The following SSPN variants were observed in gnomAD, a reference collection of about 807,000 sequenced individuals.
SSPN encodes sarcospan, also known as K-ras oncogene-associated protein.
In SSPN, 15 loss-of-function variants were observed where a neutral mutation model predicts 19.1. The ratio of observed to expected loss-of-function variants is 0.78; its 90% CI spans 0.52 to 1.21. The LOEUF (loss-of-function observed/expected upper bound fraction) is 1.21. Ranked by LOEUF, SSPN falls within the 50% of genes most tolerant of loss-of-function variation. The pLI is 0.00. For missense variants in SSPN, 291 were observed against 314.0 expected, an observed-to-expected ratio of 0.93 and a Z score of 0.55; for synonymous variants, 147 against 140.3, an observed-to-expected ratio of 1.05 and a Z score of -0.34.
In SSPN at chr12:26,195,856, G is replaced by A; in HGVS notation, c.184G>A (p.Ala62Thr). The change falls in exon 1 of 3, where the codon GCC (alanine) becomes ACC (threonine). Residue 62 changes from alanine (A) to threonine (T), a missense_variant. By Grantham distance (58) the Ala-to-Thr change is moderately conservative. This residue lies in a region of SSPN where 139 missense variants were observed against 119.6 expected (regional missense o/e 1.16). Coordinates refer to ENST00000242729, the MANE Select transcript of SSPN (RefSeq NM_005086.5). ...GCTGCTGCTCGCCCTGCTGCAGCTG[G>A]CCCTGGGCATCGCCGTGACCGTGGT... ...FPLLLALLQL[A>T]LGIAVTVVGF... 6.4e-7 allele frequency: 1 copy of A among 1,557,892 alleles called. No individual in the cohort carries two copies. The highest frequency in any genetic ancestry group is 8.6e-7 in the Non-Finnish European group (1 of 1,156,182).
chr12:26,226,040 C>G (rs539789131), intron 2 of SSPN, among the ~76,000 whole-genome samples: 18 of 152,140 alleles, frequency 1.2e-4, no homozygotes, highest in Non-Finnish European at 1.3e-4. Context: ...GGATTCCCCA[C>G]TAGGAAGATC....
chr12:26,188,183 T>C (rs1944765884), intron 1 of SSPN, among the ~76,000 whole-genome samples: 1 of 152,148 alleles, frequency 6.6e-6, no homozygotes. Flanking sequence ...ACACAGCTGG[T>C]AAGAATTAGA....
At chr12:26,179,588 C>T (rs1040396597) in intron 1 of SSPN, among the ~76,000 whole-genome samples, 2 of 152,204 alleles carry the variant, frequency 1.3e-5, no homozygotes, top group East Asian at 3.8e-4. Flanking sequence ...GAAACCAAAG[C>T]TCTGCATGGA....
At chr12:26,165,960 C>G (rs1944618211) in intron 1 of SSPN, among the ~76,000 whole-genome samples, 1 of 152,188 alleles carries the variant, frequency 6.6e-6, no homozygotes, top group African/African-American at 2.4e-5. Context: ...ATGGCCATGA[C>G]AGAAGGTTGT....
chr12:26,124,856 G>T, intron 1 of SSPN: 2 of 1,389,548 alleles, frequency 1.4e-6, no homozygotes, highest in South Asian at 1.2e-5. Flanking sequence ...AGGCTTGGGA[G>T]ACCTTGGGGG....
At chr12:26,195,041 T>C (rs1944813354), upstream of SSPN, among the ~76,000 whole-genome samples, 1 of 152,064 alleles carries the variant, frequency 6.6e-6, no homozygotes, top group Non-Finnish European at 1.5e-5. Flanking sequence ...TCACAATTAG[T>C]CCAATATCTT....
Position 26,137,045 on chromosome 12 carries a change from T to G in SSPN, c.-31+14893T>G, listed in dbSNP as rs138523678. On this transcript the variant is annotated intron_variant, in intron 1 of 2. Transcript: ENST00000538142. ...TTCTTTATTTCAGCCATTCTACTAA[T>G]AAAAGCAAGACTTTTATGGCAGTTA... is the stretch of plus-strand genomic sequence containing the variant. Among the ~76,000 whole-genome samples, 63 of 152,368 alleles carry G rather than the reference T, an allele frequency of 4.1e-4. No homozygotes were observed. In the East Asian group the frequency reaches 0.012, roughly 28 times the overall value.
At chr12:26,190,857 C>G (rs1944783155), upstream of SSPN, among the ~76,000 whole-genome samples, 1 of 152,136 alleles carries the variant, frequency 6.6e-6, no homozygotes, top group African/African-American at 2.4e-5. Context: ...CATATGATCA[C>G]CAAAGATACA....
chr12:26,153,475 C>T (rs959070795), intron 1 of SSPN, among the ~76,000 whole-genome samples: 4 of 152,176 alleles, frequency 2.6e-5, no homozygotes, highest in African/African-American at 7.2e-5. Flanking sequence ...AGAGCAGTGA[C>T]CTTGAATGAC....
intron 1 of SSPN, among the ~76,000 whole-genome samples, chr12:26,217,690 C>T (rs1243429055): frequency 7.3e-6 from 1 of 136,452 alleles, no homozygotes; most frequent in Non-Finnish European, 1.6e-5. Context: ...TTTGCCCATT[C>T]AGTATGATAT....
chr12:26,228,884 G>A lies in SSPN; in HGVS notation c.367-1827G>A, dbSNP rs1377221446. ...TTGAGGGCCAGACGAAGTGGTTCAC[G>A]GCTCTAATCTCAATACTTTGGGAGG... On this transcript the variant is annotated intron_variant, in intron 2 of 2. Transcript: ENST00000242729. Among the ~76,000 whole-genome samples, 10 of 152,182 alleles carry A rather than the reference G, an allele frequency of 6.6e-5. No individual in the cohort carries two copies. In the South Asian group the frequency reaches 1.5e-3, roughly 22 times the overall value.
intron 1 of SSPN, among the ~76,000 whole-genome samples, chr12:26,143,787 T>C (rs1004865257): frequency 3.9e-5 from 6 of 152,228 alleles, no homozygotes; most frequent in Non-Finnish European, 7.3e-5. Flanking sequence ...GACATGCAAG[T>C]AAAGCTTCAT....
chr12:26,155,132 G>A (rs1944548201), intron 1 of SSPN, among the ~76,000 whole-genome samples: 1 of 152,202 alleles, frequency 6.6e-6, no homozygotes, highest in South Asian at 2.1e-4. Flanking sequence ...AGAAGAACTT[G>A]TCAGTTGGCT....
chr12:26,150,137 C>T (rs1944516906), intron 1 of SSPN, among the ~76,000 whole-genome samples: 1 of 152,124 alleles, frequency 6.6e-6, no homozygotes, highest in African/African-American at 2.4e-5. Flanking sequence ...TCAGGAAGTG[C>T]TCAAGGCCAA....
chr12:26,222,307 C>T (rs775525483), intron 1 of SSPN, among the ~76,000 whole-genome samples: 1 of 152,212 alleles, frequency 6.6e-6, no homozygotes. Context: ...GAAATCTGAA[C>T]AACCTACAAC....
chr12:26,141,993 G>T (rs1944463312), intron 1 of SSPN, among the ~76,000 whole-genome samples: 1 of 152,192 alleles, frequency 6.6e-6, no homozygotes, highest in Non-Finnish European at 1.5e-5. Context: ...GCACAACCTT[G>T]AAGAGAAAGT....
chr12:26,184,073 G>A (rs542764557), intron 1 of SSPN, among the ~76,000 whole-genome samples: 1 of 152,294 alleles, frequency 6.6e-6, no homozygotes, highest in South Asian at 2.1e-4. Flanking sequence ...ATGAGCTAGA[G>A]GGTATGCTGG....
intron 1 of SSPN, among the ~76,000 whole-genome samples, chr12:26,131,297 TAGGG>T (rs1457236276): frequency 6.6e-6 from 1 of 152,222 alleles, no homozygotes; most frequent in Non-Finnish European, 1.5e-5. Context: ...GAAATCTCCT[TAGGG>T]AGGAAATTTA....
intron 1 of SSPN, among the ~76,000 whole-genome samples, chr12:26,187,610 G>A (rs1450364864): frequency 1.3e-5 from 2 of 152,182 alleles, no homozygotes; most frequent in Non-Finnish European, 2.9e-5. Context: ...GAGCAACGTA[G>A]CATTTGAGTA....
Sources: gnomAD v4.1 joint callset for allele counts (sites outside exome capture counted in the v4.1 genomes callset) on GRCh38, gnomAD v4.1.1 for gene constraint, gnomAD v4.1.1 regional missense constraint, MANE v1.5 for transcripts, NCBI Gene and HGNC (gene_info 2026-07-23, HGNC 2026-07-21) for gene names.